Variants in GALNT13 observed in about 807,000 individuals in gnomAD.
GALNT13 encodes polypeptide N-acetylgalactosaminyltransferase 13.
GALNT13 carries 28 observed loss-of-function variants against 64.2 expected under a neutral mutation model. The ratio of observed to expected loss-of-function variants is 0.44; its 90% CI spans 0.32 to 0.60. GALNT13 has a LOEUF of 0.60. Among genes scored for constraint, GALNT13 ranks in the 20% least tolerant of loss-of-function variants. The pLI is 0.05. For missense variants in GALNT13, 577 were observed against 669.8 expected (o/e 0.86, Z 1.53); for synonymous variants, 214 against 224.6 (o/e 0.95, Z 0.42).
At chr2:153,487,201 A>G in the GALNT13 span, among the ~76,000 whole-genome samples, 144 of 152,344 alleles carry the variant, frequency 9.5e-4, 2 homozygotes, top group East Asian at 0.023. Flanking sequence ...TGCAAGAGAG[A>G]AACAATGTAG....
At chr2:153,077,574 C>CT in the GALNT13 span, among the ~76,000 whole-genome samples, 2 of 152,148 alleles carry the variant, frequency 1.3e-5, no homozygotes, top group South Asian at 4.1e-4. Context: ...TTGTTTGCTG[C>CT]TTACGACTAG....
the GALNT13 span, among the ~76,000 whole-genome samples, chr2:153,556,667 G>T: frequency 6.6e-6 from 1 of 152,210 alleles, no homozygotes; most frequent in African/African-American, 2.4e-5. Context: ...AGTGTGTTAA[G>T]TAGCCTGGTA....
chr2:153,447,474 C>T, the GALNT13 span, among the ~76,000 whole-genome samples: 5 of 152,136 alleles, frequency 3.3e-5, no homozygotes, highest in South Asian at 2.1e-4. Context: ...GAAAAATACA[C>T]GTATAATCCT....
chr2:153,346,305 C>T, the GALNT13 span, among the ~76,000 whole-genome samples: 1 of 152,132 alleles, frequency 6.6e-6, no homozygotes, highest in African/African-American at 2.4e-5. Flanking sequence ...TCTTTATCCT[C>T]TCCTCCACTG....
At chr2:154,065,198 A>G (rs1331948325) in intron 3 of GALNT13, among the ~76,000 whole-genome samples, 2 of 152,142 alleles carry the variant, frequency 1.3e-5, no homozygotes, top group Non-Finnish European at 2.9e-5. Context: ...TTTGGGTGCC[A>G]GCTCAGCTGC....
At chr2:154,238,467 T>C (rs1209910932) in intron 4 of GALNT13, among the ~76,000 whole-genome samples, 3 of 152,054 alleles carry the variant, frequency 2.0e-5, no homozygotes, top group Non-Finnish European at 4.4e-5. Flanking sequence ...ATTTTTTTCT[T>C]TCATAATAGT....
the GALNT13 span, among the ~76,000 whole-genome samples, chr2:153,122,282 A>G: frequency 3.3e-5 from 5 of 151,964 alleles, no homozygotes; most frequent in African/African-American, 1.2e-4. Context: ...TTAAATGAAC[A>G]AATGATGAAG....
the GALNT13 span, among the ~76,000 whole-genome samples, chr2:153,472,425 A>T: frequency 8.5e-5 from 13 of 152,132 alleles, no homozygotes; most frequent in Non-Finnish European, 1.5e-4. Context: ...ACCTTCCCTT[A>T]CATGTGTTTG....
At chr2:153,304,579 A>G in the GALNT13 span, among the ~76,000 whole-genome samples, 1 of 152,184 alleles carries the variant, frequency 6.6e-6, no homozygotes, top group Non-Finnish European at 1.5e-5. Flanking sequence ...AGACATTAGC[A>G]GAATTATTGT....
the GALNT13 span, among the ~76,000 whole-genome samples, chr2:153,462,237 AT>A: frequency 1.3e-5 from 2 of 152,134 alleles, no homozygotes; most frequent in Non-Finnish European, 2.9e-5. Context: ...AGGTAAAAAA[AT>A]CTTAAATTAT....
chr2:154,100,697 C>G (rs931884852), intron 3 of GALNT13, among the ~76,000 whole-genome samples: 1 of 151,966 alleles, frequency 6.6e-6, no homozygotes, highest in Admixed American at 6.6e-5. Context: ...CCTTTTATTT[C>G]TTTCTCTTAC....
chr2:154,273,632 A>G (rs1301374991), intron 8 of GALNT13, among the ~76,000 whole-genome samples: 1 of 152,298 alleles, frequency 6.6e-6, no homozygotes, highest in Admixed American at 6.5e-5. Context: ...AGATATTTTT[A>G]GATACACAAA....
chr2:154,334,545 T>C (rs1343121231), intron 9 of GALNT13, among the ~76,000 whole-genome samples: 1 of 152,024 alleles, frequency 6.6e-6, no homozygotes, highest in African/African-American at 2.4e-5. Flanking sequence ...AACAGTTTTG[T>C]GGGGTCCCCA....
At chr2:154,015,724 T>C (rs1696959179) in intron 3 of GALNT13, among the ~76,000 whole-genome samples, 1 of 152,236 alleles carries the variant, frequency 6.6e-6, no homozygotes, top group Admixed American at 6.5e-5. Flanking sequence ...AGGAAGCATC[T>C]TACTGTCACA....
At chr2:154,332,259 C>A (rs1695206547) in intron 9 of GALNT13, among the ~76,000 whole-genome samples, 1 of 151,956 alleles carries the variant, frequency 6.6e-6, no homozygotes, top group South Asian at 2.1e-4. Flanking sequence ...TGTTTTCTAC[C>A]TCTGCTGAGC....
chr2:153,741,579 T>C, the GALNT13 span, among the ~76,000 whole-genome samples: 3 of 152,094 alleles, frequency 2.0e-5, no homozygotes, highest in Non-Finnish European at 4.4e-5. Flanking sequence ...ATCTAGTATA[T>C]ATTAAATTAA....
chr2:154,138,516 A>G (rs999186370), intron 3 of GALNT13, among the ~76,000 whole-genome samples: 1 of 151,718 alleles, frequency 6.6e-6, no homozygotes, highest in African/African-American at 2.4e-5. Context: ...AATATTTTTT[A>G]TACCAGGGAA....
At chr2:153,904,958 T>G (rs554483401) in intron 2 of GALNT13, among the ~76,000 whole-genome samples, 332 of 152,040 alleles carry the variant, frequency 2.2e-3, no homozygotes, top group African/African-American at 7.1e-3. Flanking sequence ...ATTAAATTTC[T>G]ATATATGTCT....
At chr2:154,114,341 G>GGGACCCACT (rs549894456) in intron 3 of GALNT13, among the ~76,000 whole-genome samples, 1 of 152,024 alleles carries the variant, frequency 6.6e-6, no homozygotes, top group African/African-American at 2.4e-5. Flanking sequence ...GATGAATTCA[G>GGGACCCACT]GGACCCACTG....
Sources: gnomAD v4.1 joint callset for allele counts (sites outside exome capture counted in the v4.1 genomes callset) on GRCh38, gnomAD v4.1.1 for gene constraint, MANE v1.5 for transcripts, NCBI Gene and HGNC (gene_info 2026-07-23, HGNC 2026-07-21) for gene names.